SNTB1: variants seen among roughly 807,000 people sequenced by gnomAD.
SNTB1 encodes the protein beta-1-syntrophin.
Under a neutral mutation model 48.9 loss-of-function variants are expected in SNTB1, and 36 were observed. That is an observed-to-expected ratio of 0.74 (90% CI 0.56 to 0.97). The LOEUF (loss-of-function observed/expected upper bound fraction) is 0.97, where lower values mean the gene tolerates loss of function less well. SNTB1 is among the 50% of genes least tolerant of loss of function. SNTB1 has a pLI of 0.00. For synonymous variants in SNTB1, 299 were observed against 294.6 expected (o/e 1.01, Z -0.15); for missense variants, 786 against 703.4 (o/e 1.12, Z -1.33).
intron 1 of SNTB1, among the ~76,000 whole-genome samples, chr8:120,799,790 C>G (rs191909831): frequency 1.8e-4 from 28 of 151,836 alleles, no homozygotes; most frequent in South Asian, 4.1e-4. Context: ...ACTTGGGGAC[C>G]AAAGAAATAC....
chr8:120,646,950 C>T (rs369411186), intron 2 of SNTB1, among the ~76,000 whole-genome samples: 31 of 151,876 alleles, frequency 2.0e-4, no homozygotes, highest in African/African-American at 5.1e-4. Context: ...AGTTTATTTG[C>T]GTAGAGGTGT....
chr8:120,565,231 C>T (rs541037735), intron 4 of SNTB1, among the ~76,000 whole-genome samples: 8 of 151,878 alleles, frequency 5.3e-5, no homozygotes, highest in African/African-American at 7.2e-5. Flanking sequence ...TTTATAAACC[C>T]GAAAATAGAA....
At position 120,538,116 on chromosome 8, in the gene SNTB1, A is replaced by T. The variant is rs957978407; in HGVS notation, c.*761T>A. Reference sequence around the variant, plus strand: ...CTATAAGACAGCAGACCTTGGTGTGAGTATAGTCCCAGAATTAATCATCCT... The same window carrying T: ...CTATAAGACAGCAGACCTTGGTGTGTGTATAGTCCCAGAATTAATCATCCT... On this transcript the variant is annotated 3_prime_UTR_variant, in exon 7 of 7. Coordinates refer to ENST00000517992, the MANE Select transcript of SNTB1 (RefSeq NM_021021.4). 4.6e-5 allele frequency: 7 copies of T among 152,976 alleles called. No individual in the cohort carries two copies. The highest frequency in any genetic ancestry group is 8.7e-5 in the Non-Finnish European group (6 of 68,592). 9.5% of individuals were successfully genotyped at this position (152,976 alleles called of 1,614,324 possible). A position where few individuals can be genotyped will look rare whatever the true frequency, so the allele number is the denominator to read the frequency against.
intron 1 of SNTB1, among the ~76,000 whole-genome samples, chr8:120,727,506 G>A (rs1180563319): frequency 6.6e-6 from 1 of 152,190 alleles, no homozygotes; most frequent in African/African-American, 2.4e-5. Flanking sequence ...AGTATTAAAT[G>A]TGATCACATT....
At chr8:120,624,718 C>T (rs10109628) in intron 3 of SNTB1, among the ~76,000 whole-genome samples, 762 of 68,456 alleles carry the variant, frequency 0.011, 9 homozygotes, top group African/African-American at 0.054. Flanking sequence ...TTCAGAGTCT[C>T]ATCTACATCA....
intron 3 of SNTB1, among the ~76,000 whole-genome samples, chr8:120,580,177 A>T (rs1816021208): frequency 6.6e-6 from 1 of 152,192 alleles, no homozygotes; most frequent in Admixed American, 6.5e-5. Context: ...TGAGGCAAAA[A>T]GCAATACGGG....
chr8:120,632,585 C>G lies in SNTB1; in HGVS notation c.855G>C (p.Thr285=). 4 of 1,614,070 alleles carry G rather than the reference C, an allele frequency of 2.5e-6. No homozygotes were observed. The highest frequency in any genetic ancestry group is 2.2e-5 in the East Asian group (1 of 44,874). Residue 285 remains threonine (T), a synonymous_variant, in exon 3 of 7, where the codon ACG becomes ACC. Coordinates refer to ENST00000517992, the MANE Select transcript of SNTB1 (RefSeq NM_021021.4). ...GGATGGCACTGAACCATGCCTGGGCCGTGGCTGAGTCCTTGCTCCTTAGGA... is the reference window on the plus strand; with the variant it reads ...GGATGGCACTGAACCATGCCTGGGCGGTGGCTGAGTCCTTGCTCCTTAGGA... The part of the protein sequence containing the change: ...TVILRSKDSA[T]AQAWFSAIHS...
At chr8:120,574,897 T>A (rs1815926176) in intron 4 of SNTB1, among the ~76,000 whole-genome samples, 189 bp downstream of exon 4, 1 of 152,232 alleles carries the variant, frequency 6.6e-6, no homozygotes, top group African/African-American at 2.4e-5. Flanking sequence ...TTTGTCTCTG[T>A]GTTGTTGCTT....
rs373007785 is a variant in SNTB1 at position 120,587,262 on chromosome 8, CCAA to C, written c.997-12040_997-12038del. ...AAAACAGACAAACAAACAAAAAAAC[CCAA>C]CAACAACAAAAAAGAAAACTAATGT... On this transcript the variant is annotated intron_variant, in intron 3 of 6. Coordinates refer to ENST00000517992, the MANE Select transcript of SNTB1 (RefSeq NM_021021.4). Among the ~76,000 whole-genome samples, 54 of 150,028 alleles carry C rather than the reference CCAA, an allele frequency of 3.6e-4. No homozygotes were observed. The South Asian group carries it at 0.011, about 30-fold the overall frequency.
intron 1 of SNTB1, among the ~76,000 whole-genome samples, chr8:120,765,130 C>T (rs5016734): frequency 0.023 from 3,495 of 152,222 alleles, 135 homozygotes; most frequent in African/African-American, 0.08. Context: ...GAAACTGAGG[C>T]ATGAGATTTG....
At chr8:120,671,585 G>A (rs1287596142) in intron 2 of SNTB1, among the ~76,000 whole-genome samples, 1 of 152,224 alleles carries the variant, frequency 6.6e-6, no homozygotes, top group African/African-American at 2.4e-5. Flanking sequence ...AGGCTTCGAA[G>A]TGGTACCTTG....
At chr8:120,792,293 C>T (rs187987263) in intron 1 of SNTB1, among the ~76,000 whole-genome samples, 1 of 132,864 alleles carries the variant, frequency 7.5e-6, no homozygotes, top group East Asian at 2.3e-4. Context: ...GGGGGCTAAG[C>T]TACAGGTACA....
At chr8:120,649,710 C>G (rs373203083) in intron 2 of SNTB1, among the ~76,000 whole-genome samples, 3,371 of 151,928 alleles carry the variant, frequency 0.022, 79 homozygotes, top group African/African-American at 0.051. Flanking sequence ...TCGAGCTTCC[C>G]GGCTGCTTTG....
At chr8:120,599,876 A>G (rs1191676993) in intron 3 of SNTB1, among the ~76,000 whole-genome samples, 1 of 152,218 alleles carries the variant, frequency 6.6e-6, no homozygotes, top group African/African-American at 2.4e-5. Flanking sequence ...TGACATGGAT[A>G]GGTACAGTTT....
Position 120,589,109 on chromosome 8 carries a change from A to G in SNTB1, c.997-13884T>C, listed in dbSNP as rs865881400. 5.3e-4 allele frequency among the ~76,000 whole-genome samples: 80 copies of G among 152,224 alleles called. 1 individual carries two copies. Among genetic ancestry groups the G allele is most frequent in the African/African-American group, 1.8e-3 (76 of 41,560 alleles). ...ATCCTGGTATCCAGGAATTGAGACT[A>G]CACATCTGTATTTATACACCCTCTT... On this transcript the variant is annotated intron_variant, in intron 3 of 6. Coordinates refer to ENST00000517992, the MANE Select transcript of SNTB1 (RefSeq NM_021021.4).
chr8:120,744,490 T>A (rs1170512270), intron 1 of SNTB1, among the ~76,000 whole-genome samples: 5 of 152,156 alleles, frequency 3.3e-5, no homozygotes, highest in African/African-American at 1.2e-4. Flanking sequence ...AGAATACAAA[T>A]GCAAACCTTT....
intron 3 of SNTB1, among the ~76,000 whole-genome samples, chr8:120,610,793 G>C (rs1267939689): frequency 3.3e-5 from 5 of 152,154 alleles, no homozygotes; most frequent in Non-Finnish European, 7.3e-5. Flanking sequence ...TCTCTGTTAA[G>C]AGACTGCTTT....
intron 2 of SNTB1, among the ~76,000 whole-genome samples, chr8:120,649,848 G>T (rs1172993279): frequency 6.6e-6 from 1 of 152,008 alleles, no homozygotes; most frequent in Non-Finnish European, 1.5e-5. Context: ...CTCTGAGCCA[G>T]GTGTGGGATA....
rs1029061202 is a variant in SNTB1 at position 120,629,722 on chromosome 8, G to A, written c.996+2722C>T. On this transcript the variant is annotated intron_variant, in intron 3 of 6. Transcript: ENST00000517992. ...GATCTATGGTAATCTTCTGAGAAGTGTGAAAATGAAGGCAATAAAAGACAT... is the reference window on the plus strand; with the variant it reads ...GATCTATGGTAATCTTCTGAGAAGTATGAAAATGAAGGCAATAAAAGACAT... Among the ~76,000 whole-genome samples, 14 of 152,310 alleles carry A rather than the reference G, an allele frequency of 9.2e-5. No individual in the cohort carries two copies. In the South Asian group the frequency reaches 2.9e-3, roughly 32 times the overall value.
Sources: gnomAD v4.1 joint callset for allele counts (sites outside exome capture counted in the v4.1 genomes callset) on GRCh38, gnomAD v4.1.1 for gene constraint, MANE v1.5 for transcripts, NCBI Gene and HGNC (gene_info 2026-07-23, HGNC 2026-07-21) for gene names.